Variants in PKP1 observed in about 807,000 individuals in gnomAD.
The protein encoded by PKP1 is plakophilin-1.
Under a neutral mutation model 76.4 loss-of-function variants are expected in PKP1, and 27 were observed. The ratio of observed to expected loss-of-function variants is 0.35; its 90% CI spans 0.26 to 0.49. The LOEUF is 0.49. Among genes scored for constraint, PKP1 ranks in the 20% least tolerant of loss-of-function variants. The pLI, the probability that PKP1 is intolerant of heterozygous loss-of-function variation, is 0.99. For missense variants in PKP1, 964 were observed against 955.2 expected, an observed-to-expected ratio of 1.01 and a Z score of -0.12; for synonymous variants, 404 against 384.2, an observed-to-expected ratio of 1.05 and a Z score of -0.60.
At chr1:201,293,386 G>A (rs1170698140) in intron 1 of PKP1, among the ~76,000 whole-genome samples, 6 of 152,194 alleles carry the variant, frequency 3.9e-5, no homozygotes, top group Non-Finnish European at 8.8e-5. Context: ...CTTTGAGGTT[G>A]ATCGCCGCTC....
Position 201,293,798 on chromosome 1 carries a change from C to T in PKP1, c.203-144C>T, listed in dbSNP as rs80236517. The T allele has an allele frequency of 5.6e-3, 3,902 of 698,018 alleles. 100 individuals are homozygous for T. In the African/African-American group the frequency reaches 0.06, roughly 11 times the overall value. The allele number at this position is 698,018 out of a possible 1,614,324, so 43.2% of individuals were successfully genotyped here. A position where few individuals can be genotyped will look rare whatever the true frequency, so the allele number is the denominator to read the frequency against. On this transcript the variant is annotated intron_variant, in intron 1 of 13. Coordinates refer to ENST00000367324, the MANE Select transcript of PKP1 (RefSeq NM_001005337.3). Reference sequence around the variant, plus strand: ...AGGATGTGGAGATAGATGGAGATGACATTCCCCACCTTCTCCTCCAGGAGC... The same window carrying T: ...AGGATGTGGAGATAGATGGAGATGATATTCCCCACCTTCTCCTCCAGGAGC...
intron 2 of PKP1, among the ~76,000 whole-genome samples, chr1:201,294,861 T>A (rs1656027530): frequency 6.6e-6 from 1 of 152,208 alleles, no homozygotes; most frequent in Non-Finnish European, 1.5e-5. Flanking sequence ...CAGTAGATGC[T>A]CAGGATACAA....
At chr1:201,290,719 G>T (rs1375923970) in intron 1 of PKP1, among the ~76,000 whole-genome samples, 4 of 152,222 alleles carry the variant, frequency 2.6e-5, no homozygotes, top group Non-Finnish European at 5.9e-5. Context: ...AGCCAGTCAG[G>T]CCCAGACCCA....
chr1:201,313,500 A>G lies in PKP1; in HGVS notation c.641A>G (p.Tyr214Cys). The G allele has an allele frequency of 6.2e-7, 1 of 1,613,950 alleles. No homozygotes were observed. The highest frequency in any genetic ancestry group is 1.1e-5 in the South Asian group (1 of 90,976). ...TGTGCCTCCAAGCAGGACCCTGTGT[A>G]TATCCCGCCCATCTCCTGCAACAAG... is the stretch of plus-strand genomic sequence containing the variant. ...PSCASKQDPV[Y>C]IPPISCNKDL... is the part of the protein sequence containing the mutation. The change falls in exon 3 of 14, where the codon TAT (tyrosine) becomes TGT (cysteine). Residue 214 changes from tyrosine (Y) to cysteine (C), a missense_variant. Coordinates refer to ENST00000367324, the MANE Select transcript of PKP1 (RefSeq NM_001005337.3).
chr1:201,318,356 T>C (rs1656831944), intron 5 of PKP1, among the ~76,000 whole-genome samples: 1 of 152,232 alleles, frequency 6.6e-6, no homozygotes, highest in Non-Finnish European at 1.5e-5. Flanking sequence ...CAAACGTTTT[T>C]TGATCACTTT....
intron 2 of PKP1, among the ~76,000 whole-genome samples, chr1:201,296,646 C>T (rs1394016447): frequency 6.6e-6 from 1 of 152,186 alleles, no homozygotes; most frequent in Non-Finnish European, 1.5e-5. Flanking sequence ...TGACTTTGCC[C>T]TCAATGAACC....
At chr1:201,290,164 A>G (rs574556324) in intron 1 of PKP1, among the ~76,000 whole-genome samples, 1 of 152,332 alleles carries the variant, frequency 6.6e-6, no homozygotes, top group African/African-American at 2.4e-5. Flanking sequence ...CCTGAGCGGT[A>G]GATTTTCTGA....
intron 2 of PKP1, 143 bp downstream of exon 2, chr1:201,294,188 G>A (rs1349171765): frequency 1.4e-6 from 1 of 701,668 alleles, no homozygotes; most frequent in Non-Finnish European, 2.6e-6. Flanking sequence ...CTCTGACTAG[G>A]TCTGTTGACT....
Position 201,294,014 on chromosome 1 carries a change from T to C in PKP1, c.275T>C (p.Phe92Ser), listed in dbSNP as rs558586761. 4 of 1,613,680 alleles carry C rather than the reference T, an allele frequency of 2.5e-6. No individual in the cohort carries two copies. Among genetic ancestry groups the C allele is most frequent in the East Asian group, 4.5e-5 (2 of 44,868 alleles). Residue 92 changes from phenylalanine to serine, a missense_variant, in exon 2 of 14, where the codon TTC becomes TCC. By Grantham distance (155) the Phe-to-Ser change is radical. Transcript: ENST00000367324. ...AGCAGGAGCAGCTACTACTCCAAGTTCCAGGCAGGGAATGGCTCATGGGGA... is the reference window on the plus strand; with the variant it reads ...AGCAGGAGCAGCTACTACTCCAAGTCCCAGGCAGGGAATGGCTCATGGGGA... ...TTSRSSYYSK[F>S]QAGNGSWGYP... is the part of the protein sequence containing the mutation.
intron 5 of PKP1, among the ~76,000 whole-genome samples, chr1:201,318,036 C>A (rs182160523): frequency 1.1e-3 from 165 of 152,322 alleles, no homozygotes; most frequent in African/African-American, 3.8e-3. Flanking sequence ...AGGAGGAAGG[C>A]TGATGTCCAG....
At chr1:201,286,867 T>C (rs913889696) in intron 1 of PKP1, among the ~76,000 whole-genome samples, 2 of 152,102 alleles carry the variant, frequency 1.3e-5, no homozygotes, top group African/African-American at 2.4e-5. Flanking sequence ...TCCCTGAGGA[T>C]GGGGAAGGAA....
At chr1:201,307,529 C>T (rs1002323546) in intron 2 of PKP1, among the ~76,000 whole-genome samples, 8 of 152,160 alleles carry the variant, frequency 5.3e-5, no homozygotes, top group African/African-American at 1.4e-4. Context: ...GCCCCATTCT[C>T]GGCAGCCTTG....
At chr1:201,305,144 G>A (rs149999479) in intron 2 of PKP1, among the ~76,000 whole-genome samples, 4 of 152,308 alleles carry the variant, frequency 2.6e-5, no homozygotes, top group Non-Finnish European at 4.4e-5. Flanking sequence ...ATGCATGCAC[G>A]CATGCTTCTC....
chr1:201,323,252 G>T (rs1345244483), intron 9 of PKP1, 63 bp downstream of exon 9: 1 of 1,503,302 alleles, frequency 6.7e-7, no homozygotes, highest in East Asian at 2.3e-5. Flanking sequence ...TCCAGCCTCT[G>T]CTCCCTCCTT....
Position 201,283,697 on chromosome 1 carries a change from G to A in PKP1, c.-6G>A. On this transcript the variant is annotated 5_prime_UTR_variant, in exon 1 of 14. Transcript: ENST00000367324. ...CCCGGCCGCGCGCCACCCGCCTCCC[G>A]CCACCATGAACCACTCGCCGCTCAA... is the stretch of plus-strand genomic sequence containing the variant. 3 of 1,612,654 alleles carry A rather than the reference G, an allele frequency of 1.9e-6. No homozygotes were observed. Among genetic ancestry groups the A allele is most frequent in the South Asian group, 1.1e-5 (1 of 90,928 alleles).
chr1:201,287,236 CA>C (rs918071814), intron 1 of PKP1, among the ~76,000 whole-genome samples: 2 of 152,178 alleles, frequency 1.3e-5, no homozygotes, highest in African/African-American at 4.8e-5. Flanking sequence ...AACATTGAGC[CA>C]GGGGAGGTGC....
chr1:201,325,095 G>A lies in PKP1; in HGVS notation c.1989G>A (p.Met663Ile). Residue 663 changes from methionine to isoleucine, a missense_variant, in exon 11 of 14, where the codon ATG (methionine) becomes ATA (isoleucine). By Grantham distance (10) the Met-to-Ile change is conservative. Transcript: ENST00000367324. Reference protein sequence around the residue: ...QLAKQYFSSSMLNNIINLCRS... With the variant: ...QLAKQYFSSSILNNIINLCRS... Reference sequence around the variant, plus strand: ...CCAAGCAGTACTTCTCCAGCAGCATGCTCAACAACATCATCAACCTGTGCC... The same window carrying A: ...CCAAGCAGTACTTCTCCAGCAGCATACTCAACAACATCATCAACCTGTGCC... 1 of 1,613,936 alleles carries A rather than the reference G, an allele frequency of 6.2e-7. No individual in the cohort carries two copies. Among genetic ancestry groups the A allele is most frequent in the African/African-American group, 1.3e-5 (1 of 75,048 alleles).
chr1:201,328,626 C>T (rs1455819447), intron 12 of PKP1, 136 bp from the exon 13 acceptor site: 1 of 782,312 alleles, frequency 1.3e-6, no homozygotes, highest in African/African-American at 1.7e-5. Flanking sequence ...CAGTTTTCGC[C>T]CTGACACATG....
intron 12 of PKP1, 57 bp downstream of exon 12, chr1:201,325,895 C>A: frequency 2.2e-6 from 3 of 1,336,674 alleles, no homozygotes; most frequent in South Asian, 1.2e-5. Context: ...GAGCAGAGGG[C>A]CTGGCATATG....
Sources: allele counts gnomAD v4.1 joint callset (sites outside exome capture counted in the v4.1 genomes callset), GRCh38; gene constraint gnomAD v4.1.1; transcripts MANE v1.5; gene names NCBI Gene and HGNC (gene_info 2026-07-23, HGNC 2026-07-21).